DMAC2L: variants seen among roughly 807,000 people sequenced by gnomAD.
The protein encoded by DMAC2L is distal membrane arm assembly component 2 like.
In DMAC2L, 21 loss-of-function variants were observed where a neutral mutation model predicts 22.5. That is an observed-to-expected ratio of 0.93 (90% CI 0.66 to 1.34). The LOEUF (loss-of-function observed/expected upper bound fraction) is 1.34, where lower values mean the gene tolerates loss of function less well. Among genes scored for constraint, DMAC2L ranks in the 40% most tolerant of loss-of-function variants. DMAC2L has a pLI of 0.00. For synonymous variants in DMAC2L, 86 were observed against 89.5 expected, an observed-to-expected ratio of 0.96 and a Z score of 0.22; for missense variants, 239 against 246.5, an observed-to-expected ratio of 0.97 and a Z score of 0.20.
intron 3 of DMAC2L, 108 bp downstream of exon 3, chr14:50,321,702 C>T (rs2032292562): frequency 1.4e-6 from 1 of 705,350 alleles, no homozygotes; most frequent in Admixed American, 3.3e-5. Flanking sequence ...GCAGTGTGAT[C>T]CTAATTTTGT....
chr14:50,318,895 A>G (rs2032038682), intron 2 of DMAC2L: 4 of 310,550 alleles, frequency 1.3e-5, no homozygotes, highest in African/African-American at 4.5e-5. Context: ...TATATGTTCT[A>G]TGAGGTCAGG....
chr14:50,322,804 T>C, intron 4 of DMAC2L, 85 bp downstream of exon 4: 1 of 1,590,374 alleles, frequency 6.3e-7, no homozygotes, highest in South Asian at 1.1e-5. Context: ...ATTATAGTCA[T>C]AGGTATGTCC....
intron 1 of DMAC2L, 118 bp from the exon 2 acceptor site, chr14:50,314,473 T>G: frequency 2.2e-6 from 1 of 452,760 alleles, no homozygotes; most frequent in South Asian, 1.6e-5. Context: ...ACAAGTACAT[T>G]CAACTGTTCA....
intron 2 of DMAC2L, among the ~76,000 whole-genome samples, chr14:50,319,820 A>C (rs1248351373): frequency 6.6e-6 from 1 of 152,214 alleles, no homozygotes; most frequent in Non-Finnish European, 1.5e-5. Flanking sequence ...TTTTAATGGC[A>C]TCACCATCCT....
chr14:50,315,795 T>C (rs1410231185), intron 2 of DMAC2L, among the ~76,000 whole-genome samples: 2 of 152,170 alleles, frequency 1.3e-5, no homozygotes, highest in Non-Finnish European at 2.9e-5. Context: ...AGCTTCTTTA[T>C]CCACTCATTG....
Position 50,321,509 on chromosome 14 carries a change from T to G in DMAC2L, c.22T>G (p.Ser8Ala). The G allele has an allele frequency of 3.7e-6, 6 of 1,614,086 alleles. No individual in the cohort carries two copies. The highest frequency in any genetic ancestry group is 5.1e-6 in the Non-Finnish European group (6 of 1,179,968). Residue 8 changes from serine to alanine, a missense_variant, in exon 3 of 6, where the codon TCC becomes GCC. By Grantham distance (99) the Ser-to-Ala change is moderately conservative. Coordinates refer to ENST00000557421, the MANE Select transcript of DMAC2L (RefSeq NM_001382507.1). ...TCAAATGATGCCGTTTGGAAAAATT[T>G]CCCAGCAGTTGTGTGGCGTAAAGAA... MMPFGKI[S>A]QQLCGVKKLP... is the part of the protein sequence containing the mutation.
At chr14:50,313,401 T>C (rs2031445432) in intron 1 of DMAC2L, among the ~76,000 whole-genome samples, 1 of 152,170 alleles carries the variant, frequency 6.6e-6, no homozygotes, top group Non-Finnish European at 1.5e-5. Context: ...GTTGAGCGGA[T>C]TACACGAGAT....
intron 4 of DMAC2L, 69 bp downstream of exon 4, chr14:50,322,788 C>T (rs1044396621): frequency 2.5e-6 from 4 of 1,606,000 alleles, no homozygotes; most frequent in African/African-American, 2.7e-5. Context: ...TTGCAGTTGA[C>T]TCACGATTAT....
chr14:50,319,378 A>G, intron 2 of DMAC2L: 1 of 1,526,532 alleles, frequency 6.6e-7, no homozygotes, highest in Non-Finnish European at 8.8e-7. Context: ...CTCAGCTTTA[A>G]GGTGTTTCCC....
chr14:50,315,117 C>T (rs2031654299), intron 2 of DMAC2L, among the ~76,000 whole-genome samples: 1 of 152,014 alleles, frequency 6.6e-6, no homozygotes, highest in Admixed American at 6.6e-5. Context: ...TAGGCACCTG[C>T]CACTATGCCC....
chr14:50,325,732 G>C lies in DMAC2L; in HGVS notation c.*9G>C, dbSNP rs144057879. 1.2e-5 allele frequency: 19 copies of C among 1,602,052 alleles called. No individual in the cohort carries two copies. The Admixed American group carries it at 3.1e-4, about 26-fold the overall frequency. ...AATTACAATTGAAGTAAAATAATGT[G>C]TCTTATTTCAGTATAAAGGATCATT... On this transcript the variant is annotated 3_prime_UTR_variant, in exon 6 of 6. Coordinates refer to ENST00000557421, the MANE Select transcript of DMAC2L (RefSeq NM_001382507.1).
At chr14:50,320,054 A>G (rs570956922) in intron 2 of DMAC2L, among the ~76,000 whole-genome samples, 4 of 152,270 alleles carry the variant, frequency 2.6e-5, no homozygotes, top group Non-Finnish European at 5.9e-5. Context: ...AATTTCTTGA[A>G]GCACAACCGT....
At chr14:50,323,694 C>G (rs2032483547) in intron 4 of DMAC2L, among the ~76,000 whole-genome samples, 1 of 152,150 alleles carries the variant, frequency 6.6e-6, no homozygotes, top group South Asian at 2.1e-4. Context: ...GGGCCTGGCC[C>G]TATGTGGGCA....
At chr14:50,317,527 G>A (rs8008273) in intron 2 of DMAC2L, among the ~76,000 whole-genome samples, 84,981 of 151,880 alleles carry the variant, frequency 0.56, 23,821 homozygotes, top group East Asian at 0.62. Flanking sequence ...CCAGCACTTT[G>A]GGAGGCCAAG....
In DMAC2L at chr14:50,318,890, G is replaced by A. The variant is rs180796827; in HGVS notation, c.-5-2593G>A. ...GTTATCTCTCTTTATTAAATTATAT[G>A]TTCTATGAGGTCAGGAACCTTGTCT... is the stretch of plus-strand genomic sequence containing the variant. On this transcript the variant is annotated intron_variant, in intron 2 of 5. Transcript: ENST00000557421. 962 of 287,486 alleles carry A rather than the reference G, an allele frequency of 3.3e-3. 4 individuals carry two copies. The highest frequency in any genetic ancestry group is 4.5e-3 in the Non-Finnish European group (857 of 192,142). 17.8% of individuals were successfully genotyped at this position (287,486 alleles called of 1,614,324 possible).
chr14:50,319,148 G>A (rs2032057989), intron 2 of DMAC2L: 2 of 1,521,966 alleles, frequency 1.3e-6, no homozygotes, highest in African/African-American at 2.8e-5. Flanking sequence ...GCCCATATTT[G>A]TAAATAAGAT....
chr14:50,317,166 C>A (rs868751544), intron 2 of DMAC2L, among the ~76,000 whole-genome samples: 57 of 152,062 alleles, frequency 3.7e-4, no homozygotes, highest in African/African-American at 1.2e-3. Flanking sequence ...TAGGCATATT[C>A]CTAAGTTTTT....
chr14:50,315,040 C>A lies in DMAC2L; in HGVS notation c.-6+414C>A, dbSNP rs185329986. On this transcript the variant is annotated intron_variant, in intron 2 of 5. Transcript: ENST00000557421. Reference sequence around the variant, plus strand: ...GGAGTGCAGTGGCATGATCTCAGCTCACTGCAAGCTCTGCCTCCCGGGTTC... The same window carrying A: ...GGAGTGCAGTGGCATGATCTCAGCTAACTGCAAGCTCTGCCTCCCGGGTTC... Among the ~76,000 whole-genome samples the A allele has an allele frequency of 2.4e-3, 363 of 151,880 alleles. 1 individual carries two copies. The Middle Eastern group carries it at 0.065, about 27-fold the overall frequency.
intron 2 of DMAC2L, among the ~76,000 whole-genome samples, chr14:50,320,277 T>TTTTATTC (rs1401987386): frequency 1.3e-5 from 2 of 151,522 alleles, no homozygotes; most frequent in African/African-American, 4.9e-5. Flanking sequence ...ATTTTTTTAT[T>TTTTATTC]TTTTGGTATT....
Sources: allele counts gnomAD v4.1 joint callset (sites outside exome capture counted in the v4.1 genomes callset), GRCh38; gene constraint gnomAD v4.1.1; transcripts MANE v1.5; gene names NCBI Gene and HGNC (gene_info 2026-07-23, HGNC 2026-07-21).